The following NR1I3 variants were observed in gnomAD, a reference collection of about 807,000 sequenced individuals.
NR1I3 encodes the protein constitutive activator of retinoid response.
In NR1I3, 30 loss-of-function variants were observed where a neutral mutation model predicts 38.4. The observed-to-expected ratio is 0.78, with a 90% CI of 0.58 to 1.06. The LOEUF is 1.06. NR1I3 is among the 50% of genes least tolerant of loss of function. The pLI, the probability that NR1I3 is intolerant of heterozygous loss-of-function variation, is 0.00. For synonymous variants in NR1I3, 143 were observed against 165.1 expected (o/e 0.87, Z 1.03); for missense variants, 388 against 435.7 (o/e 0.89, Z 0.97).
intron 1 of NR1I3, 69 bp from the exon 2 acceptor site, chr1:161,236,667 T>C: frequency 6.6e-7 from 1 of 1,506,394 alleles, no homozygotes; most frequent in Non-Finnish European, 8.9e-7. Context: ...TTCTAGAGAG[T>C]CTCTTTCCAA....
intron 8 of NR1I3, 136 bp from the exon 9 acceptor site, chr1:161,230,062 G>A (rs1250274273): frequency 1.9e-6 from 2 of 1,057,814 alleles, no homozygotes; most frequent in Admixed American, 2.5e-5. Flanking sequence ...TCATGCTCTG[G>A]TATGACAGAC....
Position 161,233,242 on chromosome 1 carries a change from T to A in NR1I3, c.335A>T (p.Glu112Val). Reference sequence around the variant, plus strand: ...GGCCCCCAGGAGTGTCCGGATCAGCTCTTCTTGCTCCTTACTCAGTTGCAC... The same window carrying A: ...GGCCCCCAGGAGTGTCCGGATCAGCACTTCTTGCTCCTTACTCAGTTGCAC... Reference protein sequence around the residue: ...TPVQLSKEQEELIRTLLGAHT... With the variant: ...TPVQLSKEQEVLIRTLLGAHT... Residue 112 changes from glutamate (E) to valine (V), a missense_variant, in exon 4 of 9, where the codon GAG becomes GTG. Transcript: ENST00000367983. The A allele has an allele frequency of 5.6e-6, 9 of 1,614,104 alleles. No individual in the cohort carries two copies. The highest frequency in any genetic ancestry group is 7.6e-6 in the Non-Finnish European group (9 of 1,180,012).
chr1:161,231,393 G>T lies in NR1I3; in HGVS notation c.630C>A (p.Phe210Leu). ...EICHIVLNTTFCLQTQNFLCG... is the reference protein window; with the variant it reads ...EICHIVLNTTLCLQTQNFLCG... ...AGAGGAAGTTTTGTGTTTGGAGACA[G>T]AAAGTGGTATTGAGTACGATGTGAC... Residue 210 changes from phenylalanine to leucine, a missense_variant, in exon 6 of 9, where the codon TTC (phenylalanine) becomes TTA (leucine). Transcript: ENST00000367983. 1 of 1,565,010 alleles carries T rather than the reference G, an allele frequency of 6.4e-7. No individual in the cohort carries two copies. Among genetic ancestry groups the T allele is most frequent in the Non-Finnish European group, 8.6e-7 (1 of 1,159,746 alleles).
intron 3 of NR1I3, among the ~76,000 whole-genome samples, chr1:161,234,404 C>T (rs80168109): frequency 0.028 from 4,240 of 152,268 alleles, 82 homozygotes; most frequent in Admixed American, 0.042. Flanking sequence ...AATCTTTTGA[C>T]TTCTGCAAAA....
In NR1I3 at chr1:161,237,838, C is replaced by T. The variant is rs565149161; in HGVS notation, c.-34+203G>A. Reference sequence around the variant, plus strand: ...TGCTGGGATTACAGGCATGAGCTCCCGCGCCTGGCCTCTTTTCTTTCTTTT... The same window carrying T: ...TGCTGGGATTACAGGCATGAGCTCCTGCGCCTGGCCTCTTTTCTTTCTTTT... On this transcript the variant is annotated intron_variant, in intron 1 of 8. Transcript: ENST00000367983. Among the ~76,000 whole-genome samples, 69 of 152,106 alleles carry T rather than the reference C, an allele frequency of 4.5e-4. 1 individual carries two copies. The South Asian group carries it at 7.5e-3, about 16-fold the overall frequency.
chr1:161,236,001 AG>A (rs1668545170), intron 2 of NR1I3, 24 bp from the exon 3 acceptor site: 1 of 1,564,170 alleles, frequency 6.4e-7, no homozygotes, highest in Non-Finnish European at 8.6e-7. Flanking sequence ...AGATGTTGTT[AG>A]AGTCTGGGAT....
At chr1:161,230,582 C>T (rs1285275279) in intron 8 of NR1I3, 2 of 617,956 alleles carry the variant, frequency 3.2e-6, no homozygotes, top group African/African-American at 3.7e-5. Context: ...TGCATCTGTA[C>T]TGAATAAAAA....
chr1:161,236,574 G>A lies in NR1I3; in HGVS notation c.-9C>T, dbSNP rs776036693. 1.6e-5 allele frequency: 26 copies of A among 1,613,882 alleles called. No homozygotes were observed. In the Admixed American group the frequency reaches 1.7e-4, roughly 10 times the overall value. Reference sequence around the variant, plus strand: ...TCTTCCCTACTGGCCATGACGTCACGTGTTGGGGTGGCTGTCACAGACTCC... The same window carrying A: ...TCTTCCCTACTGGCCATGACGTCACATGTTGGGGTGGCTGTCACAGACTCC... On this transcript the variant is annotated 5_prime_UTR_variant, in exon 2 of 9. The change creates a new upstream start codon in the 5' untranslated region. Transcript: ENST00000367983.
chr1:161,230,042 T>C (rs1461127590), intron 8 of NR1I3, 116 bp from the exon 9 acceptor site: 19 of 1,266,964 alleles, frequency 1.5e-5, no homozygotes, highest in Non-Finnish European at 1.9e-5. Flanking sequence ...GGTCTGAACA[T>C]TAGAGAAAAT....
chr1:161,233,413 G>A, intron 3 of NR1I3, 75 bp from the exon 4 acceptor site: 3 of 1,529,484 alleles, frequency 2.0e-6, no homozygotes, highest in Non-Finnish European at 2.7e-6. Flanking sequence ...CCTGATCTGG[G>A]GCCCCTCAGC....
In NR1I3 at chr1:161,236,571, C is replaced by G; in HGVS notation, c.-6G>C. Reference sequence around the variant, plus strand: ...TCATCTTCCCTACTGGCCATGACGTCACGTGTTGGGGTGGCTGTCACAGAC... The same window carrying G: ...TCATCTTCCCTACTGGCCATGACGTGACGTGTTGGGGTGGCTGTCACAGAC... On this transcript the variant is annotated 5_prime_UTR_variant, in exon 2 of 9. Transcript: ENST00000367983. 1.9e-6 allele frequency: 3 copies of G among 1,614,088 alleles called. No individual in the cohort carries two copies. Among genetic ancestry groups the G allele is most frequent in the Non-Finnish European group, 2.5e-6 (3 of 1,180,004 alleles).
chr1:161,236,637 C>G, intron 1 of NR1I3, 39 bp from the exon 2 acceptor site: 6 of 1,594,600 alleles, frequency 3.8e-6, no homozygotes, highest in Non-Finnish European at 5.1e-6. Context: ...TTTGGGCCAC[C>G]CTTGACCCTT....
chr1:161,231,329 C>T lies in NR1I3; in HGVS notation c.694G>A (p.Val232Met). 2 of 1,582,784 alleles carry T rather than the reference C, an allele frequency of 1.3e-6. No homozygotes were observed. Among genetic ancestry groups the T allele is most frequent in the Non-Finnish European group, 1.7e-6 (2 of 1,165,064 alleles). ...LRYTIEDGAR[V>M]GFQVEFLELL... ...CCCTATTGCTCTAGCACCATCTCAC[C>T]ACGGGCTCCATCTTCAATTGTGTAG... Residue 232 changes from valine to methionine, a missense_variant and splice_region_variant, in exon 6 of 9, where the codon GTG (valine) becomes ATG (methionine). By Grantham distance (21) the Val-to-Met change is conservative. Transcript: ENST00000367983.
chr1:161,230,609 T>A, intron 8 of NR1I3: 7 of 665,552 alleles, frequency 1.1e-5, no homozygotes, highest in African/African-American at 1.8e-5. Flanking sequence ...CTGGAAAAAG[T>A]GAGATGAAAC....
At chr1:161,233,897 G>GTATATA (rs1182385648) in intron 3 of NR1I3, among the ~76,000 whole-genome samples, 3 of 147,198 alleles carry the variant, frequency 2.0e-5, no homozygotes, top group Non-Finnish European at 4.5e-5. Flanking sequence ...GTATATGTGT[G>GTATATA]TGTATATATA....
chr1:161,233,672 C>T (rs758559130), intron 3 of NR1I3, among the ~76,000 whole-genome samples: 13 of 147,850 alleles, frequency 8.8e-5, no homozygotes, highest in Non-Finnish European at 1.4e-4. Flanking sequence ...ATACCTAGAA[C>T]ATCACTTTAT....
chr1:161,232,309 A>AT (rs1160710723), intron 5 of NR1I3, among the ~76,000 whole-genome samples: 1 of 146,234 alleles, frequency 6.8e-6, no homozygotes, highest in East Asian at 2.0e-4. Context: ...TTTAGCTTTC[A>AT]TTTTTTGAGA....
chr1:161,230,374 A>G, intron 8 of NR1I3: 1 of 329,976 alleles, frequency 3.0e-6, no homozygotes, highest in South Asian at 4.7e-5. Flanking sequence ...TGAACCTGGA[A>G]CTGGCTTTGA....
chr1:161,237,957 G>A, intron 1 of NR1I3, 84 bp downstream of exon 1: 1 of 1,362,376 alleles, frequency 7.3e-7, no homozygotes, highest in Non-Finnish European at 1.0e-6. Flanking sequence ...GTGCTGGAAT[G>A]ACACACGTGA....
Sources: gnomAD v4.1 joint callset for allele counts (sites outside exome capture counted in the v4.1 genomes callset) on GRCh38, gnomAD v4.1.1 for gene constraint, MANE v1.5 for transcripts, NCBI Gene and HGNC (gene_info 2026-07-23, HGNC 2026-07-21) for gene names.